FBXO4: variants seen among roughly 807,000 people sequenced by gnomAD.
FBXO4 encodes F-box protein 4.
Under a neutral mutation model 43.7 loss-of-function variants are expected in FBXO4, and 36 were observed. The ratio of observed to expected loss-of-function variants is 0.82; its 90% CI spans 0.63 to 1.09. The LOEUF is 1.09. FBXO4 is among the 50% of genes least tolerant of loss of function. FBXO4 has a pLI of 0.00. For synonymous variants in FBXO4, 180 were observed against 165.6 expected (o/e 1.09, Z -0.67); for missense variants, 435 against 474.1 (o/e 0.92, Z 0.77).
At chr5:41,982,580 GAA>G in the FBXO4 span, among the ~76,000 whole-genome samples, 2 of 151,356 alleles carry the variant, frequency 1.3e-5, no homozygotes, top group African/African-American at 4.9e-5. Flanking sequence ...TGCTAACATT[GAA>G]AAAAAATTAT....
At chr5:41,940,213 G>A (rs546718885) in intron 6 of FBXO4, among the ~76,000 whole-genome samples, 1 of 151,546 alleles carries the variant, frequency 6.6e-6, no homozygotes, top group African/African-American at 2.4e-5. Flanking sequence ...TATGCTTTAT[G>A]GATCATCAAA....
downstream of FBXO4, among the ~76,000 whole-genome samples, chr5:41,942,800 A>G (rs1752024493): frequency 6.6e-6 from 1 of 152,080 alleles, no homozygotes; most frequent in Non-Finnish European, 1.5e-5. Context: ...ATGAGATATA[A>G]TTTATTATAT....
chr5:41,999,539 ATATATGTATATATATATATATATG>A, the FBXO4 span, among the ~76,000 whole-genome samples: 1 of 109,566 alleles, frequency 9.1e-6, no homozygotes, highest in African/African-American at 4.5e-5. Flanking sequence ...ATATATACAT[ATATATGTATATATATATATATATG>A]TATATATATA....
At chr5:42,029,244 A>T in the FBXO4 span, among the ~76,000 whole-genome samples, 1 of 152,148 alleles carries the variant, frequency 6.6e-6, no homozygotes, top group South Asian at 2.1e-4. Flanking sequence ...TTTCTCATTC[A>T]GCACTTTATA....
At chr5:42,038,774 C>T in the FBXO4 span, among the ~76,000 whole-genome samples, 1 of 152,090 alleles carries the variant, frequency 6.6e-6, no homozygotes, top group Non-Finnish European at 1.5e-5. Context: ...TCCCCACTAT[C>T]CTTCCCAGCC....
Position 41,941,385 on chromosome 5 carries a change from A to C in FBXO4, c.*104A>C. On this transcript the variant is annotated 3_prime_UTR_variant, in exon 7 of 7. Transcript: ENST00000281623. The stretch of plus-strand genomic sequence containing the variant: ...CCCACCTTGTCCTGCCTTTTTGCAG[A>C]TAGGCTTTCATTTGGACAGCTATAA... 1 of 870,890 alleles carries C rather than the reference A, an allele frequency of 1.1e-6. No individual in the cohort carries two copies. The highest frequency in any genetic ancestry group is 1.9e-6 in the Non-Finnish European group (1 of 529,554). The allele number at this position is 870,890 out of a possible 1,614,324, so 53.9% of individuals were successfully genotyped here. A position where few individuals can be genotyped will look rare whatever the true frequency, so the allele number is the denominator to read the frequency against.
the FBXO4 span, among the ~76,000 whole-genome samples, chr5:42,000,136 C>T: frequency 6.6e-5 from 10 of 152,268 alleles, no homozygotes; most frequent in African/African-American, 2.4e-4. Flanking sequence ...TACATGTTGT[C>T]ACAAATGGCA....
chr5:42,036,601 T>C, the FBXO4 span, among the ~76,000 whole-genome samples: 8,382 of 152,206 alleles, frequency 0.055, 564 homozygotes, highest in African/African-American at 0.14. Flanking sequence ...TGTTTGCATC[T>C]AGCCTTATCT....
At chr5:41,955,387 G>A in the FBXO4 span, among the ~76,000 whole-genome samples, 2 of 152,228 alleles carry the variant, frequency 1.3e-5, no homozygotes, top group South Asian at 4.1e-4. Context: ...TTTGGAGGGA[G>A]CAGATTTACC....
At chr5:41,987,416 C>A in the FBXO4 span, among the ~76,000 whole-genome samples, 1 of 152,094 alleles carries the variant, frequency 6.6e-6, no homozygotes, top group Non-Finnish European at 1.5e-5. Context: ...TGCATGCCTA[C>A]ATATATCTAT....
chr5:42,033,842 G>C, the FBXO4 span, among the ~76,000 whole-genome samples: 2 of 152,164 alleles, frequency 1.3e-5, no homozygotes, highest in Non-Finnish European at 2.9e-5. Context: ...TGTCTTTATA[G>C]TAGAATGATT....
chr5:41,930,769 AC>A (rs1338033845), intron 3 of FBXO4, among the ~76,000 whole-genome samples: 1 of 149,634 alleles, frequency 6.7e-6, no homozygotes, highest in Non-Finnish European at 1.5e-5. Context: ...CCGGGTTCAC[AC>A]CATTCTCCCG....
the FBXO4 span, among the ~76,000 whole-genome samples, chr5:41,991,569 T>C: frequency 6.6e-6 from 1 of 152,198 alleles, no homozygotes; most frequent in Non-Finnish European, 1.5e-5. Context: ...CAAACTCAAA[T>C]GGGTCTTCAA....
At chr5:42,035,052 A>G in the FBXO4 span, among the ~76,000 whole-genome samples, 1 of 151,546 alleles carries the variant, frequency 6.6e-6, no homozygotes, top group East Asian at 1.9e-4. Flanking sequence ...TTTTAGCTGT[A>G]TTCCTAGGTA....
chr5:41,941,150 C>T (rs966559253), intron 6 of FBXO4, 42 bp from the exon 7 acceptor site: 3 of 1,528,090 alleles, frequency 2.0e-6, no homozygotes, highest in Non-Finnish European at 2.7e-6. Context: ...AGATTTTGGA[C>T]TTAGTTTCTT....
At chr5:42,015,860 A>G in the FBXO4 span, among the ~76,000 whole-genome samples, 1 of 152,182 alleles carries the variant, frequency 6.6e-6, no homozygotes, top group Non-Finnish European at 1.5e-5. Context: ...TTTGGAATGT[A>G]GTGGTCATCT....
At chr5:41,994,155 C>T in the FBXO4 span, among the ~76,000 whole-genome samples, 1 of 152,164 alleles carries the variant, frequency 6.6e-6, no homozygotes, top group Non-Finnish European at 1.5e-5. Context: ...CATAATACAA[C>T]TATCCTTCGT....
the FBXO4 span, among the ~76,000 whole-genome samples, chr5:41,973,670 C>T: frequency 1.3e-5 from 2 of 152,176 alleles, no homozygotes; most frequent in Non-Finnish European, 2.9e-5. Flanking sequence ...GAGACAGCAT[C>T]TGCAGTTTGG....
At chr5:41,936,062 T>C (rs1188947781) in intron 5 of FBXO4, among the ~76,000 whole-genome samples, 1 of 152,244 alleles carries the variant, frequency 6.6e-6, no homozygotes, top group Non-Finnish European at 1.5e-5. Flanking sequence ...ATGATGCCTG[T>C]TTTTAGGAGT....
Sources: allele counts gnomAD v4.1 joint callset (sites outside exome capture counted in the v4.1 genomes callset), GRCh38; gene constraint gnomAD v4.1.1; transcripts MANE v1.5; gene names NCBI Gene and HGNC (gene_info 2026-07-23, HGNC 2026-07-21).